The following AGAP1 variants were observed in gnomAD, a reference collection of about 807,000 sequenced individuals.
AGAP1 encodes the protein ArfGAP with GTPase domain, ankyrin repeat and PH domain 1, also known as arf-GAP with GTPase, ANK repeat and PH domain-containing protein 1.
A neutral mutation model predicts 105.3 loss-of-function variants in AGAP1; 29 were observed. That is an observed-to-expected ratio of 0.28 (90% CI 0.21 to 0.38). The LOEUF (loss-of-function observed/expected upper bound fraction) is 0.38, where lower values mean the gene tolerates loss of function less well. AGAP1 is among the 10% of genes least tolerant of loss of function. The probability of loss-of-function intolerance (pLI) is 1.00; values close to 1 mark genes in which losing one functional copy is unlikely to be tolerated. For synonymous variants in AGAP1, 509 were observed against 485.9 expected, an observed-to-expected ratio of 1.05 and a Z score of -0.63; for missense variants, 998 against 1,165.1, an observed-to-expected ratio of 0.86 and a Z score of 2.09.
rs375102893 is a variant in AGAP1 at position 235,723,533 on chromosome 2, C to T, written c.310+5889C>T. Among the ~76,000 whole-genome samples the T allele has an allele frequency of 6.6e-6, 1 of 152,190 alleles. No homozygotes were observed. The highest frequency in any genetic ancestry group is 2.4e-5 in the African/African-American group (1 of 41,448). ...AGAACTGAGTCATTGCTCTGAGACCCGTTCCCCAGGACAACTCTCTCTGTG... is the reference window on the plus strand; with the variant it reads ...AGAACTGAGTCATTGCTCTGAGACCTGTTCCCCAGGACAACTCTCTCTGTG... On this transcript the variant is annotated intron_variant, in intron 3 of 17. Coordinates refer to ENST00000304032, the MANE Select transcript of AGAP1 (RefSeq NM_001037131.3). This position sits in a 1 kb window ranked among gnomAD's most constrained non-coding sequence, Gnocchi z 6.2.
In AGAP1 at chr2:236,040,715, C is replaced by T; in HGVS notation, c.1801-36C>T. The T allele has an allele frequency of 6.2e-7, 1 of 1,608,062 alleles. No individual in the cohort carries two copies. Among genetic ancestry groups the T allele is most frequent in the Non-Finnish European group, 8.5e-7 (1 of 1,176,372 alleles). On this transcript the variant is annotated intron_variant, in intron 14 of 17. Coordinates refer to ENST00000304032, the MANE Select transcript of AGAP1 (RefSeq NM_001037131.3). This position sits in a 1 kb window ranked among gnomAD's most constrained non-coding sequence, Gnocchi z 5.6. ...AGTGATGTGCGTTTCTCCCGGGGTG[C>T]TTACGCCTTGTATTTGTGTCTTCCT... is the stretch of plus-strand genomic sequence containing the variant.
At chr2:235,765,998 A>G (rs1056175969) in intron 6 of AGAP1, among the ~76,000 whole-genome samples, 12 of 152,178 alleles carry the variant, frequency 7.9e-5, no homozygotes, top group Non-Finnish European at 1.5e-4. Context: ...GTCTTGTCAG[A>G]TAGAGTGTTT....
chr2:236,040,265 T>A lies in AGAP1; in HGVS notation c.1801-486T>A, dbSNP rs2057507122. Among the ~76,000 whole-genome samples the A allele has an allele frequency of 6.6e-6, 1 of 152,174 alleles. No homozygotes were observed. Among genetic ancestry groups the A allele is most frequent in the African/African-American group, 2.4e-5 (1 of 41,448 alleles). ...GGCAACCGAGGGTCTTCAGATGACA[T>A]GTGCATCTCCCAGGGTGACGTGTGG... On this transcript the variant is annotated intron_variant, in intron 14 of 17. Transcript: ENST00000304032. This position sits in a 1 kb window ranked among gnomAD's most constrained non-coding sequence, Gnocchi z 5.6.
At chr2:235,696,149 G>A (rs1022701397) in intron 1 of AGAP1, among the ~76,000 whole-genome samples, 3 of 152,174 alleles carry the variant, frequency 2.0e-5, no homozygotes, top group African/African-American at 7.2e-5. Flanking sequence ...GATTTCAAGC[G>A]ATTCTCCTGC....
rs552877390 is a variant in AGAP1, at chr2:235,965,209, T to C, written c.1484-3253T>C. Among the ~76,000 whole-genome samples the C allele has an allele frequency of 1.3e-5, 2 of 151,792 alleles. No individual in the cohort carries two copies. Among genetic ancestry groups the C allele is most frequent in the East Asian group, 1.9e-4 (1 of 5,160 alleles). ...GCTGCCCGGAATGCAAAGGTCAGAG[T>C]GAGTGCTGTTTCTTGGGAGCCGGCT... On this transcript the variant is annotated intron_variant, in intron 12 of 17. Coordinates refer to ENST00000304032, the MANE Select transcript of AGAP1 (RefSeq NM_001037131.3). The surrounding 1 kb of genome is among the most constrained non-coding windows in gnomAD (Gnocchi z 5.8).
At position 235,660,277 on chromosome 2, in the gene AGAP1, C is replaced by T. The variant is rs1947905393; in HGVS notation, c.164-48902C>T. Reference sequence around the variant, plus strand: ...CTTCATAGATAAACTTGCGGGGTCACGGTGAGGGAGGCACTGTGTGGAAGG... The same window carrying T: ...CTTCATAGATAAACTTGCGGGGTCATGGTGAGGGAGGCACTGTGTGGAAGG... On this transcript the variant is annotated intron_variant, in intron 1 of 17. Transcript: ENST00000304032. This position sits in a 1 kb window ranked among gnomAD's most constrained non-coding sequence, Gnocchi z 5.3. 6.6e-6 allele frequency among the ~76,000 whole-genome samples: 1 copy of T among 152,054 alleles called. No homozygotes were observed. The highest frequency in any genetic ancestry group is 1.5e-5 in the Non-Finnish European group (1 of 68,002).
At chr2:235,521,060 C>T (rs1485067737) in intron 1 of AGAP1, among the ~76,000 whole-genome samples, 3 of 152,196 alleles carry the variant, frequency 2.0e-5, no homozygotes, top group East Asian at 1.9e-4. Context: ...CTCAGGGACA[C>T]GAACATAATT....
rs1953594977 is a variant in AGAP1 at position 235,753,093 on chromosome 2, T to C, written c.673+2605T>C. ...ACCTGGCAGAGGCCCCACCTCTTAT[T>C]CCCCTGGGGGTCAGGATTTCAGTAT... On this transcript the variant is annotated intron_variant, in intron 6 of 17. Coordinates refer to ENST00000304032, the MANE Select transcript of AGAP1 (RefSeq NM_001037131.3). The surrounding 1 kb of genome is among the most constrained non-coding windows in gnomAD (Gnocchi z 4.5). 1.3e-5 allele frequency among the ~76,000 whole-genome samples: 2 copies of C among 152,108 alleles called. No homozygotes were observed. The highest frequency in any genetic ancestry group is 4.8e-5 in the African/African-American group (2 of 41,422).
chr2:236,053,029 G>C lies in AGAP1; in HGVS notation c.2114+3748G>C, dbSNP rs748162085. The stretch of plus-strand genomic sequence containing the variant: ...TCAGCTGTGTGTAGGACAGGACTTC[G>C]TAACACCCGGCTTGTGCGTGTGTGC... On this transcript the variant is annotated intron_variant, in intron 16 of 17. Transcript: ENST00000304032. This position sits in a 1 kb window ranked among gnomAD's most constrained non-coding sequence, Gnocchi z 4.6. Among the ~76,000 whole-genome samples the C allele has an allele frequency of 6.6e-6, 1 of 152,178 alleles. No individual in the cohort carries two copies. The highest frequency in any genetic ancestry group is 1.5e-5 in the Non-Finnish European group (1 of 68,032).
At chr2:235,572,792 C>G (rs541319701) in intron 1 of AGAP1, among the ~76,000 whole-genome samples, 30 of 152,198 alleles carry the variant, frequency 2.0e-4, no homozygotes, top group Non-Finnish European at 3.8e-4. Context: ...AAAGGAGGAC[C>G]TACTGTGTGC....
rs1322463467 is a variant in AGAP1, at chr2:235,612,491, T to C, written c.164-96688T>C. On this transcript the variant is annotated intron_variant, in intron 1 of 17. Coordinates refer to ENST00000304032, the MANE Select transcript of AGAP1 (RefSeq NM_001037131.3). The surrounding 1 kb of genome is among the most constrained non-coding windows in gnomAD (Gnocchi z 4.3). ...CTTCCAGATGATCTATGAATTGGTC[T>C]TTGCCTTTGTACTTATTCAAACTGA... 1.3e-5 allele frequency among the ~76,000 whole-genome samples: 2 copies of C among 152,234 alleles called. No homozygotes were observed. Among genetic ancestry groups the C allele is most frequent in the Non-Finnish European group, 2.9e-5 (2 of 68,046 alleles).
rs1010823102 is a variant in AGAP1, at chr2:235,673,583, G to A, written c.164-35596G>A. On this transcript the variant is annotated intron_variant, in intron 1 of 17. Coordinates refer to ENST00000304032, the MANE Select transcript of AGAP1 (RefSeq NM_001037131.3). ...AAATAGTGATTAAAAATAGCCTCGT[G>A]CCAGTTAGAGTCTGGTTTTGCCACC... Among the ~76,000 whole-genome samples the A allele has an allele frequency of 3.9e-4, 59 of 152,164 alleles. 1 individual carries two copies. The highest frequency in any genetic ancestry group is 1.3e-4 in the Non-Finnish European group (9 of 68,028).
In AGAP1 at chr2:235,714,780, TTTG is replaced by T. The variant is rs1333647906; in HGVS notation, c.223-2774_223-2772del. 6.6e-6 allele frequency among the ~76,000 whole-genome samples: 1 copy of T among 152,040 alleles called. No homozygotes were observed. The highest frequency in any genetic ancestry group is 2.4e-5 in the African/African-American group (1 of 41,406). Reference sequence around the variant, plus strand: ...CCAAATTTGTTCTCTTATATGTTTGTTTGTTTTCTTTTTTGTTGTTGTTTTTGT... The same window carrying T: ...CCAAATTTGTTCTCTTATATGTTTGTTTTTCTTTTTTGTTGTTGTTTTTGT... On this transcript the variant is annotated intron_variant, in intron 2 of 17. Coordinates refer to ENST00000304032, the MANE Select transcript of AGAP1 (RefSeq NM_001037131.3). The surrounding 1 kb of genome is among the most constrained non-coding windows in gnomAD (Gnocchi z 4.1).
Position 236,080,644 on chromosome 2 carries a change from C to CCCACTTAGTGGTTTAAA in AGAP1, c.2114+31364_2114+31380dup, listed in dbSNP as rs2058757024. ...CCATTGCTGCTGTAACAAATTACCA[C>CCCACTTAGTGGTTTAAA]CCACTTAGTGGTTTAAAGTAACACG... On this transcript the variant is annotated intron_variant, in intron 16 of 17. Transcript: ENST00000304032. The surrounding 1 kb of genome is among the most constrained non-coding windows in gnomAD (Gnocchi z 4.2). 6.6e-6 allele frequency among the ~76,000 whole-genome samples: 1 copy of CCCACTTAGTGGTTTAAA among 152,224 alleles called. No homozygotes were observed. The highest frequency in any genetic ancestry group is 1.5e-5 in the Non-Finnish European group (1 of 68,048).
At chr2:235,857,439 G>A (rs2048733127) in intron 9 of AGAP1, among the ~76,000 whole-genome samples, 1 of 152,194 alleles carries the variant, frequency 6.6e-6, no homozygotes, top group African/African-American at 2.4e-5. Context: ...CGTCCCCAAG[G>A]AGACCTCAGA....
rs2054340033 is a variant in AGAP1 at position 235,965,172 on chromosome 2, A to T, written c.1484-3290A>T. 6.6e-6 allele frequency among the ~76,000 whole-genome samples: 1 copy of T among 152,210 alleles called. No individual in the cohort carries two copies. The highest frequency in any genetic ancestry group is 6.5e-5 in the Admixed American group (1 of 15,286). ...AGTTTCAAGGGTGAAGCCCAAGGTGATAGCAGAGAAAGCTGCCCGGAATGC... is the reference window on the plus strand; with the variant it reads ...AGTTTCAAGGGTGAAGCCCAAGGTGTTAGCAGAGAAAGCTGCCCGGAATGC... On this transcript the variant is annotated intron_variant, in intron 12 of 17. Coordinates refer to ENST00000304032, the MANE Select transcript of AGAP1 (RefSeq NM_001037131.3). This position sits in a 1 kb window ranked among gnomAD's most constrained non-coding sequence, Gnocchi z 5.8.
chr2:235,934,023 A>G lies in AGAP1; in HGVS notation c.1483+3100A>G, dbSNP rs1559665529. On this transcript the variant is annotated intron_variant, in intron 12 of 17. Coordinates refer to ENST00000304032, the MANE Select transcript of AGAP1 (RefSeq NM_001037131.3). This position sits in a 1 kb window ranked among gnomAD's most constrained non-coding sequence, Gnocchi z 4.9. ...CAGAAGGATTAAATGTCACTTGCTCAAAGTCACATCCTGTGAGGGGCCAGG... is the reference window on the plus strand; with the variant it reads ...CAGAAGGATTAAATGTCACTTGCTCGAAGTCACATCCTGTGAGGGGCCAGG... 6.6e-6 allele frequency among the ~76,000 whole-genome samples: 1 copy of G among 152,304 alleles called. No individual in the cohort carries two copies. The highest frequency in any genetic ancestry group is 1.9e-4 in the East Asian group (1 of 5,186).
At chr2:235,880,211 G>T (rs12992402) in intron 9 of AGAP1, among the ~76,000 whole-genome samples, 52,591 of 151,044 alleles carry the variant, frequency 0.35, 9,954 homozygotes, top group South Asian at 0.64. Flanking sequence ...ATAAGTCCTC[G>T]TAGCCTTCAC....
chr2:235,526,678 G>GTT (rs1023447186), intron 1 of AGAP1, among the ~76,000 whole-genome samples: 6 of 151,904 alleles, frequency 3.9e-5, no homozygotes, highest in Non-Finnish European at 7.4e-5. Flanking sequence ...ATTATTGTGT[G>GTT]TATTAATATC....
Sources: allele counts gnomAD v4.1 joint callset (sites outside exome capture counted in the v4.1 genomes callset), GRCh38; gene constraint gnomAD v4.1.1; non-coding constraint Gnocchi (gnomAD v3.1); transcripts MANE v1.5; gene names NCBI Gene and HGNC (gene_info 2026-07-23, HGNC 2026-07-21).